The following GIP variants were observed in gnomAD, a reference collection of about 807,000 sequenced individuals.
GIP encodes the protein gastric inhibitory polypeptide, also known as glucose-dependent insulinotropic polypeptide.
GIP carries 16 observed loss-of-function variants against 18.1 expected under a neutral mutation model. The observed-to-expected ratio is 0.88, with a 90% confidence interval of 0.60 to 1.34. The LOEUF (loss-of-function observed/expected upper bound fraction) is 1.34, where lower values mean the gene tolerates loss of function less well. Among genes scored for constraint, GIP ranks in the 40% most tolerant of loss-of-function variants. GIP has a pLI of 0.00. For synonymous variants in GIP, 76 were observed against 74.0 expected, an observed-to-expected ratio of 1.03 and a Z score of -0.14; for missense variants, 192 against 183.4, an observed-to-expected ratio of 1.05 and a Z score of -0.27.
chr17:48,960,981 T>A lies in GIP; in HGVS notation c.357A>T (p.Pro119=), dbSNP rs1446696689. 1 of 1,604,032 alleles carries A rather than the reference T, an allele frequency of 6.2e-7. No homozygotes were observed. Residue 119 remains proline, a synonymous_variant, in exon 5 of 6, where the codon CCA becomes CCT. Transcript: ENST00000357424. ...EEEAVEPQSS[P]AKNPSDEDLL... ...AATCTTCATCGCTGGGGTTCTTGGC[T>A]GGGGAGCTGCAAGGGAACAGTCTCT...
intron 3 of GIP, among the ~76,000 whole-genome samples, chr17:48,963,841 CAAAAAAAAAAAAA>C (rs60257330): frequency 2.8e-5 from 1 of 35,890 alleles, no homozygotes; most frequent in Non-Finnish European, 4.2e-5. Flanking sequence ...AACTCTGTCT[CAAAAAAAAAAAAA>C]AAAAAAAAAG....
intron 3 of GIP, among the ~76,000 whole-genome samples, chr17:48,963,083 G>C (rs974807996): frequency 1.1e-4 from 3 of 28,552 alleles, no homozygotes; most frequent in African/African-American, 3.1e-4. Flanking sequence ...CTCCAGCCTG[G>C]GTGACAGAGC....
At chr17:48,963,529 G>T (rs6504588) in intron 3 of GIP, among the ~76,000 whole-genome samples, 82,728 of 150,392 alleles carry the variant, frequency 0.55, 24,643 homozygotes, top group African/African-American at 0.79. Context: ...GTATGGTGGC[G>T]CGTACCTGTA....
At chr17:48,964,875 T>C (rs8082308) in intron 2 of GIP, among the ~76,000 whole-genome samples, 109 of 151,928 alleles carry the variant, frequency 7.2e-4, no homozygotes, top group African/African-American at 2.2e-3. Flanking sequence ...CGTGGTGGCT[T>C]ACGCCTGTAA....
rs1243784518 is a variant in GIP at position 48,965,063 on chromosome 17, CG to C, written c.87-584del. ...CTGAGGCAGGAGAATGGCGTGAACC[CG>C]GGAGGCGGAGCTTGCAGTGAGCTGA... On this transcript the variant is annotated intron_variant, in intron 2 of 5. Transcript: ENST00000357424. 4.0e-5 allele frequency among the ~76,000 whole-genome samples: 6 copies of C among 148,740 alleles called. No homozygotes were observed. The South Asian group carries it at 1.3e-3, about 31-fold the overall frequency.
chr17:48,959,889 A>G (rs11870282), intron 5 of GIP, among the ~76,000 whole-genome samples: 6,254 of 10,784 alleles, frequency 0.58, 2,116 homozygotes, highest in East Asian at 0.82. Context: ...AGGGACAGGC[A>G]GGCCACAGGA....
At chr17:48,966,182 G>A (rs993278666) in intron 2 of GIP, among the ~76,000 whole-genome samples, 1 of 150,784 alleles carries the variant, frequency 6.6e-6, no homozygotes, top group African/African-American at 2.4e-5. Context: ...GCTTGAACCC[G>A]GGAGGCGGAG....
chr17:48,967,241 G>A lies in GIP; in HGVS notation c.-9C>T, dbSNP rs1361672276. The A allele has an allele frequency of 6.2e-7, 1 of 1,612,258 alleles. No individual in the cohort carries two copies. The highest frequency in any genetic ancestry group is 2.2e-5 in the East Asian group (1 of 44,870). On this transcript the variant is annotated 5_prime_UTR_variant, in exon 2 of 6. Transcript: ENST00000357424. The stretch of plus-strand genomic sequence containing the variant: ...GTCTTCGTGGCCACCATCTTCCAAG[G>A]TTATTTCCTGAGCTAAGACAGAAAA...
chr17:48,967,334 G>A lies in GIP; in HGVS notation c.-21-81C>T. On this transcript the variant is annotated intron_variant, in intron 1 of 5. Coordinates refer to ENST00000357424, the MANE Select transcript of GIP (RefSeq NM_004123.3). ...AGCTGGAGAGGGGCAAAGCCCTGAG[G>A]TTTGGACCCTTTCTTTTCCTTTTTC... 4 of 849,698 alleles carry A rather than the reference G, an allele frequency of 4.7e-6. No individual in the cohort carries two copies. The Admixed American group carries it at 8.7e-5, about 18-fold the overall frequency. 52.6% of individuals were successfully genotyped at this position (849,698 alleles called of 1,614,324 possible).
Position 48,964,590 on chromosome 17 carries a change from T to C in GIP, c.87-110A>G, listed in dbSNP as rs1023913322. The stretch of plus-strand genomic sequence containing the variant: ...ACACTTGAAAACAAACCAGTCCGTT[T>C]TTATGGAGACTCCCTGTGGATCCAC... On this transcript the variant is annotated intron_variant, in intron 2 of 5. Coordinates refer to ENST00000357424, the MANE Select transcript of GIP (RefSeq NM_004123.3). 4 of 900,636 alleles carry C rather than the reference T, an allele frequency of 4.4e-6. No individual in the cohort carries two copies. The African/African-American group carries it at 6.6e-5, about 15-fold the overall frequency. 55.8% of individuals were successfully genotyped at this position (900,636 alleles called of 1,614,324 possible).
In GIP at chr17:48,962,003, A is replaced by C. The variant is rs139804154; in HGVS notation, c.258-184T>G. The stretch of plus-strand genomic sequence containing the variant: ...TCAGAATCTACCGTGCTGACCAGAG[A>C]GGGCGGGGAAAGAGACTTGGCATAG... On this transcript the variant is annotated intron_variant, in intron 3 of 5. Transcript: ENST00000357424. Among the ~76,000 whole-genome samples, 292 of 152,256 alleles carry C rather than the reference A, an allele frequency of 1.9e-3. 1 individual carries two copies. Among genetic ancestry groups the C allele is most frequent in the African/African-American group, 6.8e-3 (281 of 41,550 alleles).
rs751588159 is a variant in GIP at position 48,960,839 on chromosome 17, T to C, written c.452+47A>G. On this transcript the variant is annotated intron_variant, in intron 5 of 5. Transcript: ENST00000357424. ...GGCAAAGATCTGAATCCATGTCTGATGCCCAAGCTCAAGTTAGAACCGCTG... is the reference window on the plus strand; with the variant it reads ...GGCAAAGATCTGAATCCATGTCTGACGCCCAAGCTCAAGTTAGAACCGCTG... 17 of 1,145,150 alleles carry C rather than the reference T, an allele frequency of 1.5e-5. No individual in the cohort carries two copies. The African/African-American group carries it at 2.3e-4, about 15-fold the overall frequency. The allele number at this position is 1,145,150 out of a possible 1,614,324, so 70.9% of individuals were successfully genotyped here.
At chr17:48,964,235 A>C in intron 3 of GIP, 75 bp downstream of exon 3, 1 of 1,129,916 alleles carries the variant, frequency 8.9e-7, no homozygotes, top group Non-Finnish European at 1.3e-6. Context: ...GTGTGGCCAC[A>C]GCCGGTGGCC....
At chr17:48,962,551 T>G (rs1198150789) in intron 3 of GIP, among the ~76,000 whole-genome samples, 2 of 151,700 alleles carry the variant, frequency 1.3e-5, no homozygotes, top group African/African-American at 4.8e-5. Flanking sequence ...GTATTTTTAG[T>G]AGAGACGGGA....
chr17:48,959,832 G>T (rs11867603), intron 5 of GIP, among the ~76,000 whole-genome samples: 22,484 of 37,880 alleles, frequency 0.59, 8,489 homozygotes, highest in Admixed American at 0.68. Context: ...GGCTCAGCTC[G>T]GTGGGTAGGG....
At chr17:48,964,704 G>T (rs1459793149) in intron 2 of GIP, among the ~76,000 whole-genome samples, 1 of 152,152 alleles carries the variant, frequency 6.6e-6, no homozygotes, top group African/African-American at 2.4e-5. Flanking sequence ...TGGGCAAAAA[G>T]AGATCACGGG....
Position 48,964,411 on chromosome 17 carries a change from G to C in GIP, c.156C>G (p.Tyr52Ter). 6.2e-7 allele frequency: 1 copy of C among 1,613,802 alleles called. No individual in the cohort carries two copies. The highest frequency in any genetic ancestry group is 8.5e-7 in the Non-Finnish European group (1 of 1,179,748). Residue 52 changes from tyrosine (Y) to a stop codon, truncating the protein, a stop_gained, in exon 3 of 6, where the codon TAC becomes TAG. Coordinates refer to ENST00000357424, the MANE Select transcript of GIP (RefSeq NM_004123.3). LOFTEE classifies it high-confidence loss of function. ...AGTCACTGATGAAAGTCCCTTCCGCGTACCTGGGGCCTCGAGGTTGAGGGC... is the reference window on the plus strand; with the variant it reads ...AGTCACTGATGAAAGTCCCTTCCGCCTACCTGGGGCCTCGAGGTTGAGGGC... ...VSSPQPRGPR[Y>*]AEGTFISDYS... is the part of the protein sequence containing the mutation.
In GIP at chr17:48,960,901, T is replaced by C. The variant is rs35703924; in HGVS notation, c.437A>G (p.Asn146Ser). Reference protein sequence around the residue: ...ELLACLLDQTNLCRLRSR With the variant: ...ELLACLLDQTSLCRLRSR ...ACTCCCCTACCTGAGCCTGCAGAGG[T>C]TTGTCTGATCCAGCAAGCAGGCCAA... Residue 146 changes from asparagine (N) to serine (S), a missense_variant, in exon 5 of 6, where the codon AAC (asparagine) becomes AGC (serine). Coordinates refer to ENST00000357424, the MANE Select transcript of GIP (RefSeq NM_004123.3). The C allele has an allele frequency of 6.5e-4, 1,036 of 1,599,448 alleles. 8 individuals carry two copies. In the African/African-American group the frequency reaches 0.012, roughly 18 times the overall value.
intron 2 of GIP, among the ~76,000 whole-genome samples, chr17:48,965,266 A>T (rs1345452668): frequency 2.7e-5 from 4 of 145,986 alleles, no homozygotes; most frequent in Non-Finnish European, 4.5e-5. Context: ...GTGCCATTGC[A>T]CTCCAGCCTG....
Sources: gnomAD v4.1 joint callset for allele counts (sites outside exome capture counted in the v4.1 genomes callset) on GRCh38, gnomAD v4.1.1 for gene constraint, MANE v1.5 for transcripts, NCBI Gene and HGNC (gene_info 2026-07-23, HGNC 2026-07-21) for gene names.